Variants in RAPGEF4 observed in about 807,000 individuals in gnomAD.
RAPGEF4 encodes Rap guanine nucleotide exchange factor 4.
Under a neutral mutation model 147.9 loss-of-function variants are expected in RAPGEF4, and 66 were observed. The ratio of observed to expected loss-of-function variants is 0.45; its 90% CI spans 0.37 to 0.55. The LOEUF is 0.55. Among genes scored for constraint, RAPGEF4 ranks in the 20% least tolerant of loss-of-function variants. The pLI is 0.00. For missense variants in RAPGEF4, 1,071 were observed against 1,257.3 expected, an observed-to-expected ratio of 0.85 and a Z score of 2.24; for synonymous variants, 419 against 442.7, an observed-to-expected ratio of 0.95 and a Z score of 0.67.
chr2:172,843,682 C>A (rs1691861397), intron 4 of RAPGEF4, among the ~76,000 whole-genome samples: 1 of 152,158 alleles, frequency 6.6e-6, no homozygotes, highest in Non-Finnish European at 1.5e-5. Flanking sequence ...CTCTATTCAT[C>A]CCACTTAGTG....
In RAPGEF4 at chr2:172,801,956, AG is replaced by A. The variant is rs138502633; in HGVS notation, c.297+4347del. Among the ~76,000 whole-genome samples, 216 of 152,288 alleles carry A rather than the reference AG, an allele frequency of 1.4e-3. 1 individual carries two copies. Among genetic ancestry groups the A allele is most frequent in the African/African-American group, 4.8e-3 (200 of 41,560 alleles). On this transcript the variant is annotated intron_variant, in intron 3 of 30. Transcript: ENST00000397081. Reference sequence around the variant, plus strand: ...CTTTGATCTGGCGATGCACAGTGAAAGGGGTGTGGCCCTCCCTCCAAAGGGC... The same window carrying A: ...CTTTGATCTGGCGATGCACAGTGAAAGGGTGTGGCCCTCCCTCCAAAGGGC...
intron 23 of RAPGEF4, among the ~76,000 whole-genome samples, chr2:173,024,961 G>C (rs567875109): frequency 6.6e-6 from 1 of 152,326 alleles, no homozygotes; most frequent in East Asian, 1.9e-4. Flanking sequence ...GATGCTCAGG[G>C]AAAACCTTGC....
rs1005190762 is a variant in RAPGEF4, at chr2:173,020,706, C to T, written c.2244C>T (p.Phe748=). 6.2e-6 allele frequency: 10 copies of T among 1,612,790 alleles called. No individual in the cohort carries two copies. In the South Asian group the frequency reaches 8.8e-5, roughly 14 times the overall value. The change falls in exon 23 of 31, where the codon TTC becomes TTT. Residue 748 remains phenylalanine, a synonymous_variant. Coordinates refer to ENST00000397081, the MANE Select transcript of RAPGEF4 (RefSeq NM_007023.4). ...GRLFACPREQ[F]DSLTPLPEQE... Reference sequence around the variant, plus strand: ...TGTTTGCTTGCCCGCGAGAGCAATTCGATTCACTGGTAGGTGTGGATGGCC... The same window carrying T: ...TGTTTGCTTGCCCGCGAGAGCAATTTGATTCACTGGTAGGTGTGGATGGCC...
At chr2:173,035,742 C>T (rs1260856667) in intron 27 of RAPGEF4, among the ~76,000 whole-genome samples, 1 of 152,110 alleles carries the variant, frequency 6.6e-6, no homozygotes, top group Non-Finnish European at 1.5e-5. Context: ...TCAACTAACA[C>T]ATATTTTGTA....
Position 173,042,404 on chromosome 2 carries a change from C to T in RAPGEF4, c.2853+5712C>T, listed in dbSNP as rs369333124. Among the ~76,000 whole-genome samples, 1 of 152,098 alleles carries T rather than the reference C, an allele frequency of 6.6e-6. No homozygotes were observed. Among genetic ancestry groups the T allele is most frequent in the Non-Finnish European group, 1.5e-5 (1 of 68,018 alleles). On this transcript the variant is annotated intron_variant, in intron 29 of 30. Transcript: ENST00000397081. This position sits in a 1 kb window ranked among gnomAD's most constrained non-coding sequence, Gnocchi z 4.2. ...ATCCCAGCACTTTGGGAGACTGAGG[C>T]GGGTGGATCATGGGGTCAGGAGTTC...
At chr2:172,945,032 G>A (rs1012943378) in intron 6 of RAPGEF4, among the ~76,000 whole-genome samples, 1 of 152,088 alleles carries the variant, frequency 6.6e-6, no homozygotes, top group African/African-American at 2.4e-5. Flanking sequence ...AAGGGGAAGG[G>A]AGGAAAATAT....
chr2:172,932,604 T>C (rs1686107519), intron 6 of RAPGEF4, among the ~76,000 whole-genome samples: 1 of 152,238 alleles, frequency 6.6e-6, no homozygotes, highest in Admixed American at 6.5e-5. Flanking sequence ...CTGTAACATA[T>C]TGTTTTCCAG....
chr2:172,927,137 A>G (rs908018900), intron 6 of RAPGEF4, among the ~76,000 whole-genome samples: 9 of 152,194 alleles, frequency 5.9e-5, no homozygotes, highest in Non-Finnish European at 1.2e-4. Context: ...TATATGAAGA[A>G]TAAGTTTTAG....
At chr2:173,019,142 C>T (rs1465872508) in intron 22 of RAPGEF4, among the ~76,000 whole-genome samples, 7 of 152,200 alleles carry the variant, frequency 4.6e-5, no homozygotes, top group Admixed American at 4.6e-4. Flanking sequence ...TCTAGCTGGA[C>T]AAGCTCAAGG....
At chr2:172,898,626 G>T (rs1698762586) in intron 4 of RAPGEF4, among the ~76,000 whole-genome samples, 1 of 152,150 alleles carries the variant, frequency 6.6e-6, no homozygotes, top group African/African-American at 2.4e-5. Flanking sequence ...CTGGAGGAGG[G>T]TATAGAGGAC....
In RAPGEF4 at chr2:172,967,178, C is replaced by G. The variant is rs1179065356; in HGVS notation, c.821-83C>G. 2.1e-6 allele frequency: 3 copies of G among 1,407,960 alleles called. No individual in the cohort carries two copies. The African/African-American group carries it at 4.2e-5, about 20-fold the overall frequency. 87.2% of individuals were successfully genotyped at this position (1,407,960 alleles called of 1,614,324 possible). On this transcript the variant is annotated intron_variant, in intron 9 of 30. Transcript: ENST00000397081. ...CTTTGCTGCCACTTGGCCCTCCTGC[C>G]TGACACTCTGCATTTGTTTCTAGTA...
chr2:172,868,886 G>A (rs1028320971), intron 4 of RAPGEF4, among the ~76,000 whole-genome samples: 3 of 152,190 alleles, frequency 2.0e-5, no homozygotes, highest in African/African-American at 7.2e-5. Flanking sequence ...TGCAATCATG[G>A]TGGAAGGTGA....
At chr2:172,891,185 G>A (rs899235160) in intron 4 of RAPGEF4, among the ~76,000 whole-genome samples, 1 of 152,032 alleles carries the variant, frequency 6.6e-6, no homozygotes, top group Non-Finnish European at 1.5e-5. Flanking sequence ...TAAACCAAGC[G>A]CTGACCCTTC....
intron 1 of RAPGEF4, among the ~76,000 whole-genome samples, chr2:172,786,068 C>T (rs754820342): frequency 1.2e-4 from 19 of 152,164 alleles, no homozygotes; most frequent in Admixed American, 2.0e-4. Flanking sequence ...CCTTTGTGTT[C>T]TTATTTTGTG....
intron 10 of RAPGEF4, among the ~76,000 whole-genome samples, chr2:172,974,561 G>A (rs867067653): frequency 5.3e-5 from 8 of 152,108 alleles, no homozygotes; most frequent in Middle Eastern, 3.2e-3. Context: ...GTGCATGCCT[G>A]TAATCCCAGC....
In RAPGEF4 at chr2:172,735,972, C is replaced by G; in HGVS notation, c.-12C>G. On this transcript the variant is annotated 5_prime_UTR_variant, in exon 1 of 31. Transcript: ENST00000397081. ...TCGCCGCAGCCAGGGACACCGCGCG[C>G]CGCCGCTCAACATGGTCGCTGCGCA... 1 of 1,460,890 alleles carries G rather than the reference C, an allele frequency of 6.8e-7. No homozygotes were observed. Among genetic ancestry groups the G allele is most frequent in the Non-Finnish European group, 9.1e-7 (1 of 1,104,126 alleles). The allele number at this position is 1,460,890 out of a possible 1,614,324, so 90.5% of individuals were successfully genotyped here.
chr2:172,893,323 C>G (rs1559102702), intron 4 of RAPGEF4, among the ~76,000 whole-genome samples: 1 of 152,208 alleles, frequency 6.6e-6, no homozygotes, highest in Non-Finnish European at 1.5e-5. Context: ...CTGCAAGCAG[C>G]TGGGGCCCAG....
intron 16 of RAPGEF4, among the ~76,000 whole-genome samples, chr2:172,999,170 C>T (rs1384364977): frequency 3.3e-5 from 5 of 152,168 alleles, no homozygotes; most frequent in African/African-American, 1.2e-4. Context: ...ATTCTTGACC[C>T]TTCCATTTTT....
chr2:172,750,017 T>C (rs879635591), intron 1 of RAPGEF4, among the ~76,000 whole-genome samples: 1 of 152,190 alleles, frequency 6.6e-6, no homozygotes, highest in Non-Finnish European at 1.5e-5. Context: ...CACATCAGCC[T>C]GGATTTCATT....
Sources: gnomAD v4.1 joint callset for allele counts (sites outside exome capture counted in the v4.1 genomes callset) on GRCh38, gnomAD v4.1.1 for gene constraint, Gnocchi (gnomAD v3.1) non-coding constraint, MANE v1.5 for transcripts, NCBI Gene and HGNC (gene_info 2026-07-23, HGNC 2026-07-21) for gene names.